The following CCNG1 variants were observed in gnomAD, a reference collection of about 807,000 sequenced individuals.
The protein encoded by CCNG1 is cyclin G1.
Under a neutral mutation model 30.0 loss-of-function variants are expected in CCNG1, and 13 were observed. The observed-to-expected ratio is 0.43, with a 90% CI of 0.28 to 0.69. The LOEUF is 0.69. Among genes scored for constraint, CCNG1 ranks in the 30% least tolerant of loss-of-function variants. The pLI is 0.16. For synonymous variants in CCNG1, 110 were observed against 121.5 expected (o/e 0.91, Z 0.62); for missense variants, 285 against 331.4 (o/e 0.86, Z 1.09).
chr5:163,456,757 C>T, the CCNG1 span, among the ~76,000 whole-genome samples: 5 of 152,038 alleles, frequency 3.3e-5, no homozygotes, highest in East Asian at 1.9e-4. Context: ...GAAAATCTTC[C>T]GAAAAATCAA....
At chr5:163,450,532 A>G (rs1272337437), downstream of CCNG1, 6 of 152,240 alleles carry the variant, frequency 3.9e-5, no homozygotes, top group Non-Finnish European at 8.8e-5. Flanking sequence ...ACACTGCTTT[A>G]AGGAAGATAC....
At chr5:163,441,445 G>C in intron 3 of CCNG1, 114 bp downstream of exon 3, 1 of 995,860 alleles carries the variant, frequency 1.0e-6, no homozygotes, top group Non-Finnish European at 1.4e-6. Context: ...TAAAATGACA[G>C]CTGTGGCTCC....
In CCNG1 at chr5:163,442,505, A is replaced by G. The variant is rs767926224; in HGVS notation, c.828A>G (p.Gln276=). ...KWIVSGRTAR[Q]LKHSYYRITH... ...TTGTTTCTGGGCGTACTGCACGGCA[A>G]TTGAAGCATAGCTACTACAGAATAA... The change falls in exon 6 of 7, where the codon CAA becomes CAG. Residue 276 remains glutamine, a synonymous_variant. Transcript: ENST00000340828. The G allele has an allele frequency of 7.4e-6, 12 of 1,613,908 alleles. No individual in the cohort carries two copies. Among genetic ancestry groups the G allele is most frequent in the Non-Finnish European group, 9.3e-6 (11 of 1,179,948 alleles).
intron 3 of CCNG1, 143 bp from the exon 4 acceptor site, chr5:163,441,743 G>A (rs1203232172): frequency 3.3e-6 from 2 of 609,054 alleles, no homozygotes; most frequent in Non-Finnish European, 5.8e-6. Flanking sequence ...TCTGATGGAA[G>A]GGGAATTCCT....
the CCNG1 span, chr5:163,452,349 A>G: frequency 6.6e-6 from 1 of 152,196 alleles, no homozygotes; most frequent in African/African-American, 2.4e-5. Context: ...TAGGTCGAGG[A>G]CAGCATGAGA....
Position 163,439,367 on chromosome 5 carries a change from T to A in CCNG1, c.111T>A (p.Ile37=). Residue 37 remains isoleucine (I), a synonymous_variant, in exon 2 of 7, where the codon ATT becomes ATA. Transcript: ENST00000340828. ...CAAAGGTCTGTGGTTTGAGACTAAT[T>A]GAGTCTGCACACGATAATGGCCTCA... ...CQPKVCGLRL[I]ESAHDNGLRM... is the part of the protein sequence containing the mutation. The A allele has an allele frequency of 6.2e-7, 1 of 1,614,218 alleles. No homozygotes were observed. Among genetic ancestry groups the A allele is most frequent in the Non-Finnish European group, 8.5e-7 (1 of 1,180,034 alleles).
At chr5:163,440,991 T>A in intron 2 of CCNG1, 87 bp from the exon 3 acceptor site, 1 of 1,352,372 alleles carries the variant, frequency 7.4e-7, no homozygotes. Flanking sequence ...TTTCAAAATG[T>A]TGGGTCGGAG....
the CCNG1 span, among the ~76,000 whole-genome samples, chr5:163,455,801 GAGA>G: frequency 3.3e-5 from 5 of 151,674 alleles, no homozygotes; most frequent in East Asian, 1.9e-4. Flanking sequence ...GAGTAAAAGT[GAGA>G]AGACCAATTA....
downstream of CCNG1, chr5:163,450,781 T>C (rs556156763): frequency 5.3e-5 from 8 of 152,288 alleles, no homozygotes; most frequent in East Asian, 9.6e-4. Context: ...AACATAGTTA[T>C]CATATAACCT....
the CCNG1 span, chr5:163,452,896 T>A: frequency 6.6e-6 from 1 of 152,230 alleles, no homozygotes; most frequent in Non-Finnish European, 1.5e-5. Context: ...TAAAGACAGC[T>A]GACATCTAAA....
downstream of CCNG1, chr5:163,445,097 T>C (rs958961485): frequency 6.6e-6 from 1 of 152,194 alleles, no homozygotes; most frequent in African/African-American, 2.4e-5. Flanking sequence ...TAAAAAGCTA[T>C]CTCTACTCAG....
rs750393158 is a variant in CCNG1 at position 163,439,379 on chromosome 5, C to G, written c.123C>G (p.His41Gln). 6.2e-7 allele frequency: 1 copy of G among 1,614,120 alleles called. No individual in the cohort carries two copies. The highest frequency in any genetic ancestry group is 1.1e-5 in the South Asian group (1 of 91,084). Residue 41 changes from histidine to glutamine, a missense_variant, in exon 2 of 7, where the codon CAC (histidine) becomes CAG (glutamine). Coordinates refer to ENST00000340828, the MANE Select transcript of CCNG1 (RefSeq NM_004060.4). ...VCGLRLIESA[H>Q]DNGLRMTARL... ...GTTTGAGACTAATTGAGTCTGCACA[C>G]GATAATGGCCTCAGAATGACTGCAA...
intron 1 of CCNG1, 90 bp from the exon 2 acceptor site, chr5:163,439,167 A>G: frequency 8.8e-7 from 1 of 1,140,612 alleles, no homozygotes; most frequent in Non-Finnish European, 1.3e-6. Context: ...GGAGGCTTAT[A>G]AATCATTTCT....
rs565093529 is a variant in CCNG1 at position 163,443,781 on chromosome 5, G to A, written c.*111G>A. ...AAGCTATGAAGCCTCAAAACATCAC[G>A]AGATAAGCATGATGGTCTCAGACTT... On this transcript the variant is annotated 3_prime_UTR_variant, in exon 7 of 7. Coordinates refer to ENST00000340828, the MANE Select transcript of CCNG1 (RefSeq NM_004060.4). 3.0e-5 allele frequency: 36 copies of A among 1,219,354 alleles called. 1 individual carries two copies. In the South Asian group the frequency reaches 3.5e-4, roughly 12 times the overall value. 75.5% of individuals were successfully genotyped at this position (1,219,354 alleles called of 1,614,324 possible). A position where few individuals can be genotyped will look rare whatever the true frequency, so the allele number is the denominator to read the frequency against.
chr5:163,438,300 T>A (rs1757596208), intron 1 of CCNG1, among the ~76,000 whole-genome samples: 1 of 151,814 alleles, frequency 6.6e-6, no homozygotes, highest in African/African-American at 2.4e-5. Flanking sequence ...ACAATAAAAG[T>A]TAAGTAATAT....
chr5:163,454,401 G>A, the CCNG1 span, among the ~76,000 whole-genome samples: 2 of 152,234 alleles, frequency 1.3e-5, no homozygotes, highest in South Asian at 2.1e-4. Flanking sequence ...GAGTGCAATG[G>A]TGCGACCTCA....
In CCNG1 at chr5:163,437,635, C is replaced by G. The variant is rs1048031254; in HGVS notation, c.-170C>G. Reference sequence around the variant, plus strand: ...CTGACCCTGATCAGGGCCGAGTTGTCTCGGCGGCGCTGCCGAGGCCTCCAC... The same window carrying G: ...CTGACCCTGATCAGGGCCGAGTTGTGTCGGCGGCGCTGCCGAGGCCTCCAC... On this transcript the variant is annotated 5_prime_UTR_variant, in exon 1 of 7. Transcript: ENST00000340828. 2.0e-5 allele frequency: 3 copies of G among 152,248 alleles called. No homozygotes were observed. Among genetic ancestry groups the G allele is most frequent in the Non-Finnish European group, 4.4e-5 (3 of 68,132 alleles). 9.4% of individuals were successfully genotyped at this position (152,248 alleles called of 1,614,324 possible). A position where few individuals can be genotyped will look rare whatever the true frequency, so the allele number is the denominator to read the frequency against.
At chr5:163,454,699 A>C in the CCNG1 span, among the ~76,000 whole-genome samples, 1 of 152,216 alleles carries the variant, frequency 6.6e-6, no homozygotes, top group Non-Finnish European at 1.5e-5. Flanking sequence ...AGAGCTATAC[A>C]TATATAAGAT....
At chr5:163,446,218 T>C (rs1230424421), downstream of CCNG1, 2 of 152,190 alleles carry the variant, frequency 1.3e-5, no homozygotes, top group African/African-American at 4.8e-5. Flanking sequence ...ATCTGAACCT[T>C]GTACATATTT....
Sources: gnomAD v4.1 joint callset for allele counts (sites outside exome capture counted in the v4.1 genomes callset) on GRCh38, gnomAD v4.1.1 for gene constraint, MANE v1.5 for transcripts, NCBI Gene and HGNC (gene_info 2026-07-23, HGNC 2026-07-21) for gene names.